The following RNF43 variants were observed in gnomAD, a reference collection of about 807,000 sequenced individuals.
RNF43 encodes the protein E3 ubiquitin-protein ligase RNF43.
In RNF43, 37 loss-of-function variants were observed where a neutral mutation model predicts 78.4. The ratio of observed to expected loss-of-function variants is 0.47; its 90% confidence interval spans 0.36 to 0.62. RNF43 has a LOEUF of 0.62. Ranked by LOEUF, RNF43 falls within the 20% of genes least tolerant of loss-of-function variation. The pLI, the probability that RNF43 is intolerant of heterozygous loss-of-function variation, is 0.00. For synonymous variants in RNF43, 347 were observed against 395.0 expected, an observed-to-expected ratio of 0.88 and a Z score of 1.44; for missense variants, 774 against 1,007.9, an observed-to-expected ratio of 0.77 and a Z score of 3.14.
chr17:58,400,573 C>T (rs1414098643), intron 2 of RNF43, among the ~76,000 whole-genome samples: 1 of 152,150 alleles, frequency 6.6e-6, no homozygotes, highest in Admixed American at 6.6e-5. Context: ...CCATTTTACT[C>T]AGGAAGCCAC....
chr17:58,377,676 C>G (rs1237284867), intron 2 of RNF43, among the ~76,000 whole-genome samples: 1 of 114,350 alleles, frequency 8.7e-6, no homozygotes, highest in Non-Finnish European at 1.8e-5. Flanking sequence ...CCCCACCCAC[C>G]CACCCACCCC....
chr17:58,357,625 G>A lies in RNF43; in HGVS notation c.2151C>T (p.Pro717=), dbSNP rs1972715853. The change falls in exon 9 of 10, where the codon CCC becomes CCT. Residue 717 remains proline, a synonymous_variant. Coordinates refer to ENST00000407977, the MANE Select transcript of RNF43 (RefSeq NM_017763.6). This position sits in a 1 kb window ranked among gnomAD's most constrained non-coding sequence, Gnocchi z 4.5. The stretch of plus-strand genomic sequence containing the variant: ...ACACTGGCTGTGAATTTGAGTAACA[G>A]GGGCCTGGGGTTTCTGGTAGCAGCC... ...DKRLLPETPG[P]CYSNSQPVWL... 2 of 1,613,976 alleles carry A rather than the reference G, an allele frequency of 1.2e-6. No individual in the cohort carries two copies. The highest frequency in any genetic ancestry group is 1.7e-6 in the Non-Finnish European group (2 of 1,179,898).
rs544294448 is a variant in RNF43 at position 58,362,309 on chromosome 17, C to T, written c.687+235G>A. ...TTTTGTCATCTTGTTCACTGTACTACCCTCAGCACCTGGAACAGTGCCTGA... is the reference window on the plus strand; with the variant it reads ...TTTTGTCATCTTGTTCACTGTACTATCCTCAGCACCTGGAACAGTGCCTGA... On this transcript the variant is annotated intron_variant, in intron 6 of 9. Transcript: ENST00000407977. Among the ~76,000 whole-genome samples, 3 of 152,230 alleles carry T rather than the reference C, an allele frequency of 2.0e-5. No homozygotes were observed. In the East Asian group the frequency reaches 5.8e-4, roughly 29 times the overall value.
intron 2 of RNF43, among the ~76,000 whole-genome samples, chr17:58,387,716 GA>G (rs1278474490): frequency 7.9e-5 from 12 of 152,114 alleles, no homozygotes; most frequent in African/African-American, 2.9e-4. Flanking sequence ...ACTACTATTA[GA>G]TTGACAATGA....
chr17:58,357,802 C>A lies in RNF43; in HGVS notation c.1974G>T (p.Gly658=). 1.2e-6 allele frequency: 2 copies of A among 1,614,126 alleles called. No individual in the cohort carries two copies. Among genetic ancestry groups the A allele is most frequent in the Non-Finnish European group, 1.7e-6 (2 of 1,180,012 alleles). ...SARHPQRKRR[G]GPSEPTPGSR... is the part of the protein sequence containing the mutation. ...AGCCAGGGGTGGGCTCGGAGGGACC[C>A]CCCCGCCTTTTCCTCTGTGGGTGTC... The change falls in exon 9 of 10, where the codon GGG becomes GGT. Residue 658 remains glycine, a synonymous_variant. Coordinates refer to ENST00000407977, the MANE Select transcript of RNF43 (RefSeq NM_017763.6). The surrounding 1 kb of genome is among the most constrained non-coding windows in gnomAD (Gnocchi z 4.5).
At chr17:58,381,934 C>A (rs950197673) in intron 2 of RNF43, among the ~76,000 whole-genome samples, 2 of 152,044 alleles carry the variant, frequency 1.3e-5, no homozygotes, top group African/African-American at 4.8e-5. Context: ...CCTCTCCTAT[C>A]CCCCTGTGAT....
Position 58,359,440 on chromosome 17 carries a change from CA to C in RNF43, c.953-618del, listed in dbSNP as rs1162284909. Among the ~76,000 whole-genome samples the C allele has an allele frequency of 7.9e-3, 1,056 of 133,340 alleles. 4 individuals are homozygous for C. Among genetic ancestry groups the C allele is most frequent in the African/African-American group, 0.015 (545 of 36,046 alleles). 87.5% of individuals were successfully genotyped at this position (133,340 alleles called of 152,430 possible). On this transcript the variant is annotated intron_variant, in intron 8 of 9. Transcript: ENST00000407977. ...TGAAACCCTGTCTCTACTAAAAGTC[CA>C]AAAAAAAAAAAAATTAGCTGGGCAT...
At chr17:58,361,846 A>G (rs1972839989) in intron 6 of RNF43, among the ~76,000 whole-genome samples, 1 of 152,136 alleles carries the variant, frequency 6.6e-6, no homozygotes, top group South Asian at 2.1e-4. Flanking sequence ...ACCTGCACAG[A>G]TCACTCCCTC....
intron 2 of RNF43, among the ~76,000 whole-genome samples, chr17:58,391,726 G>C (rs1973564443): frequency 1.3e-5 from 2 of 152,180 alleles, no homozygotes; most frequent in South Asian, 4.1e-4. Context: ...TTCCATGCCT[G>C]GCTGGAGTCC....
rs1005849746 is a variant in RNF43 at position 58,361,718 on chromosome 17, C to T, written c.688-774G>A. Among the ~76,000 whole-genome samples the T allele has an allele frequency of 5.3e-5, 8 of 152,304 alleles. 1 individual carries two copies. Among genetic ancestry groups the T allele is most frequent in the East Asian group, 3.9e-4 (2 of 5,194 alleles). On this transcript the variant is annotated intron_variant, in intron 6 of 9. Coordinates refer to ENST00000407977, the MANE Select transcript of RNF43 (RefSeq NM_017763.6). ...ACGGGGCCCCCACCAGCTACTCTGC[C>T]GTCTCACTCTGTTCCAGCCACAGCC...
intron 2 of RNF43, among the ~76,000 whole-genome samples, chr17:58,397,537 C>T (rs995779159): frequency 8.5e-5 from 13 of 152,110 alleles, no homozygotes; most frequent in African/African-American, 3.1e-4. Flanking sequence ...GTGGCAGGCA[C>T]CTGTAATGCC....
rs750730096 is a variant in RNF43 at position 58,363,578 on chromosome 17, C to T, written c.398G>A (p.Gly133Glu). 6.2e-7 allele frequency: 1 copy of T among 1,611,952 alleles called. No individual in the cohort carries two copies. The highest frequency in any genetic ancestry group is 8.5e-7 in the Non-Finnish European group (1 of 1,178,474). The change falls in exon 4 of 10, where the codon GGA becomes GAA. Residue 133 changes from glycine (G) to glutamate (E), a missense_variant. Transcript: ENST00000407977. ...ASKARMAGER[G>E]ASAVLFDITE... ...GATGTCAAAGAGGACAGCACTGGCT[C>T]CTCGCTCACCCGCCATCCGAGCCTG...
chr17:58,355,125 T>G, intron 9 of RNF43, 139 bp from the exon 10 acceptor site: 1 of 803,726 alleles, frequency 1.2e-6, no homozygotes, highest in Non-Finnish European at 2.1e-6. Context: ...GTGGTTAGAT[T>G]GAAAGCTAAG....
Position 58,357,772 on chromosome 17 carries a change from C to T in RNF43, c.2004G>A (p.Arg668=), listed in dbSNP as rs2143393271. The T allele has an allele frequency of 6.2e-7, 1 of 1,613,484 alleles. No individual in the cohort carries two copies. The highest frequency in any genetic ancestry group is 8.5e-7 in the Non-Finnish European group (1 of 1,179,642). ...GGPSEPTPGS[R]PQDATVHPAC... ...CTGGGTGCACAGTTGCATCCTGGGG[C>T]CGAGAGCCAGGGGTGGGCTCGGAGG... Residue 668 remains arginine (R), a synonymous_variant, in exon 9 of 10, where the codon CGG becomes CGA. Coordinates refer to ENST00000407977, the MANE Select transcript of RNF43 (RefSeq NM_017763.6). This position sits in a 1 kb window ranked among gnomAD's most constrained non-coding sequence, Gnocchi z 4.5.
intron 2 of RNF43, among the ~76,000 whole-genome samples, chr17:58,410,191 CTGTT>C (rs1973999323): frequency 6.6e-6 from 1 of 152,162 alleles, no homozygotes. Context: ...ATATATAAAT[CTGTT>C]TGATGATAAC....
chr17:58,369,531 C>T (rs925486338), intron 3 of RNF43, among the ~76,000 whole-genome samples: 1 of 152,242 alleles, frequency 6.6e-6, no homozygotes. Context: ...TCACTCTCCT[C>T]TCTCACCACC....
intron 3 of RNF43, 139 bp downstream of exon 3, chr17:58,370,772 A>G: frequency 3.1e-6 from 3 of 979,032 alleles, no homozygotes; most frequent in Non-Finnish European, 4.2e-6. Flanking sequence ...CTTCTCTCAG[A>G]CCAGTCATGG....
intron 2 of RNF43, among the ~76,000 whole-genome samples, chr17:58,406,114 T>C (rs1169910267): frequency 6.6e-6 from 1 of 152,206 alleles, no homozygotes; most frequent in African/African-American, 2.4e-5. Flanking sequence ...ACGTAAAGTA[T>C]TGCTAAACTG....
intron 2 of RNF43, among the ~76,000 whole-genome samples, chr17:58,372,937 G>A (rs1048348411): frequency 1.3e-5 from 2 of 152,212 alleles, no homozygotes; most frequent in Non-Finnish European, 2.9e-5. Context: ...CGAAAGGGAA[G>A]GCAGGACATA....
Sources: allele counts gnomAD v4.1 joint callset (sites outside exome capture counted in the v4.1 genomes callset), GRCh38; gene constraint gnomAD v4.1.1; non-coding constraint Gnocchi (gnomAD v3.1); transcripts MANE v1.5; gene names NCBI Gene and HGNC (gene_info 2026-07-23, HGNC 2026-07-21).